BLK: variants seen among roughly 807,000 people sequenced by gnomAD.
BLK encodes the protein BLK proto-oncogene, Src family tyrosine kinase.
Under a neutral mutation model 61.8 loss-of-function variants are expected in BLK, and 64 were observed. The ratio of observed to expected loss-of-function variants is 1.03; its 90% CI spans 0.85 to 1.27. BLK has a LOEUF of 1.27. Among genes scored for constraint, BLK ranks in the 50% most tolerant of loss-of-function variants. The probability of loss-of-function intolerance (pLI) is 0.00; values close to 1 mark genes in which losing one functional copy is unlikely to be tolerated. For synonymous variants in BLK, 351 were observed against 272.0 expected (o/e 1.29, Z -2.86); for missense variants, 853 against 660.5 (o/e 1.29, Z -3.19).
At chr8:11,550,320 C>T (rs1196774524) in intron 6 of BLK, 58 bp downstream of exon 6, 8 of 1,531,668 alleles carry the variant, frequency 5.2e-6, no homozygotes, top group South Asian at 1.1e-5. Flanking sequence ...AAGGCGCCTC[C>T]AGAGGCCTGG....
chr8:11,545,758 G>C (rs1361082538), intron 2 of BLK: 2 of 471,842 alleles, frequency 4.2e-6, no homozygotes, highest in African/African-American at 3.9e-5. Flanking sequence ...GTAGAGCCAG[G>C]ATGTTAAGCC....
At chr8:11,545,087 T>C (rs553366712) in intron 2 of BLK, among the ~76,000 whole-genome samples, 2 of 152,234 alleles carry the variant, frequency 1.3e-5, no homozygotes, top group Non-Finnish European at 2.9e-5. Flanking sequence ...TTAAATCAAC[T>C]ACATCAAACA....
chr8:11,531,088 T>C (rs1332421316), intron 1 of BLK, among the ~76,000 whole-genome samples: 2 of 152,238 alleles, frequency 1.3e-5, no homozygotes, highest in South Asian at 2.1e-4. Context: ...ATTCCCCTAA[T>C]GACTGACGAC....
intron 1 of BLK, among the ~76,000 whole-genome samples, chr8:11,528,218 G>A (rs886435249): frequency 6.6e-6 from 1 of 152,046 alleles, no homozygotes; most frequent in Non-Finnish European, 1.5e-5. Flanking sequence ...TGTATTTTTT[G>A]TAGAGATGGA....
chr8:11,542,995 T>C (rs1800453600), intron 1 of BLK, among the ~76,000 whole-genome samples: 1 of 152,224 alleles, frequency 6.6e-6, no homozygotes, highest in Non-Finnish European at 1.5e-5. Context: ...AGAGGATTTC[T>C]GTGTCCTAAA....
At chr8:11,519,198 G>A (rs1210541692) in intron 1 of BLK, among the ~76,000 whole-genome samples, 1 of 152,144 alleles carries the variant, frequency 6.6e-6, no homozygotes, top group African/African-American at 2.4e-5. Context: ...AGGGGATAAT[G>A]GATTCCTCAA....
At chr8:11,527,745 A>ATTTTTT (rs1196859760) in intron 1 of BLK, among the ~76,000 whole-genome samples, 1 of 151,348 alleles carries the variant, frequency 6.6e-6, no homozygotes, top group Non-Finnish European at 1.5e-5. Flanking sequence ...GGTGGGGTCC[A>ATTTTTT]TTGGTTGCCA....
chr8:11,538,589 T>C (rs576000437), intron 1 of BLK, among the ~76,000 whole-genome samples: 58 of 152,348 alleles, frequency 3.8e-4, no homozygotes, highest in African/African-American at 1.3e-3. Context: ...AATTATGTTG[T>C]CTCAGTGGAC....
intron 4 of BLK, 40 bp downstream of exon 4, chr8:11,548,165 C>A: frequency 1.3e-6 from 2 of 1,529,706 alleles, no homozygotes; most frequent in Non-Finnish European, 1.8e-6. Flanking sequence ...CTGCAGGACC[C>A]CCCTCCCCCA....
At chr8:11,550,941 T>A (rs962357235) in intron 6 of BLK, among the ~76,000 whole-genome samples, 3 of 152,232 alleles carry the variant, frequency 2.0e-5, no homozygotes, top group Non-Finnish European at 4.4e-5. Context: ...CCCTGTGTAA[T>A]GACAGCCAAG....
At chr8:11,533,653 C>T (rs76012718) in intron 1 of BLK, among the ~76,000 whole-genome samples, 359 of 41,762 alleles carry the variant, frequency 8.6e-3, no homozygotes, top group Middle Eastern at 0.023. Flanking sequence ...GTGGAGGAGA[C>T]GGAGGGGGAG....
At chr8:11,518,865 G>A (rs569881631) in intron 1 of BLK, among the ~76,000 whole-genome samples, 2 of 152,138 alleles carry the variant, frequency 1.3e-5, no homozygotes, top group Admixed American at 1.3e-4. Flanking sequence ...TTTTAGAGCC[G>A]TCTCTCTGCT....
At chr8:11,506,865 G>A (rs571344597) in intron 1 of BLK, among the ~76,000 whole-genome samples, 4 of 152,280 alleles carry the variant, frequency 2.6e-5, no homozygotes, top group African/African-American at 7.2e-5. Flanking sequence ...CTTGAGACGC[G>A]GTTGCCCAAA....
intron 1 of BLK, among the ~76,000 whole-genome samples, chr8:11,518,158 A>G (rs1346775481): frequency 3.3e-5 from 5 of 152,108 alleles, no homozygotes; most frequent in Admixed American, 6.5e-5. Context: ...CCTGGGCCCC[A>G]GGTGTGCCAG....
intron 1 of BLK, among the ~76,000 whole-genome samples, chr8:11,497,494 C>T (rs548993455): frequency 6.6e-6 from 1 of 152,300 alleles, no homozygotes; most frequent in South Asian, 2.1e-4. Context: ...ACACCCAGGG[C>T]TCTGGTTTGC....
At chr8:11,512,305 G>A (rs1336645502) in intron 1 of BLK, among the ~76,000 whole-genome samples, 1 of 152,178 alleles carries the variant, frequency 6.6e-6, no homozygotes, top group Non-Finnish European at 1.5e-5. Flanking sequence ...TGTTTGTTTA[G>A]CTCTTTTCCA....
At chr8:11,518,576 A>G (rs1285298131) in intron 1 of BLK, among the ~76,000 whole-genome samples, 2 of 151,932 alleles carry the variant, frequency 1.3e-5, no homozygotes, top group Non-Finnish European at 2.9e-5. Flanking sequence ...TAGCTCTGCC[A>G]TGGCCACCTC....
chr8:11,503,919 G>A (rs771709280), intron 1 of BLK, among the ~76,000 whole-genome samples: 1 of 152,174 alleles, frequency 6.6e-6, no homozygotes, highest in Admixed American at 6.5e-5. Flanking sequence ...GAACTAGCAA[G>A]TGGGAATCAA....
intron 1 of BLK, among the ~76,000 whole-genome samples, chr8:11,524,846 T>A (rs1341141650): frequency 6.6e-6 from 1 of 151,182 alleles, no homozygotes; most frequent in East Asian, 2.0e-4. Flanking sequence ...AGGAAAAAGA[T>A]GACCGTGATA....
Sources: gnomAD v4.1 joint callset for allele counts (sites outside exome capture counted in the v4.1 genomes callset) on GRCh38, gnomAD v4.1.1 for gene constraint, MANE v1.5 for transcripts, NCBI Gene and HGNC (gene_info 2026-07-23, HGNC 2026-07-21) for gene names.